The following PITPNC1 variants were observed in gnomAD, a reference collection of about 807,000 sequenced individuals.
PITPNC1 encodes phosphatidylinositol transfer protein cytoplasmic 1.
PITPNC1 carries 18 observed loss-of-function variants against 44.7 expected under a neutral mutation model. That is an observed-to-expected ratio of 0.40 (90% CI 0.28 to 0.60). PITPNC1 has a LOEUF of 0.60. PITPNC1 is among the 20% of genes least tolerant of loss of function. PITPNC1 has a pLI of 0.39. For missense variants in PITPNC1, 290 were observed against 418.4 expected (o/e 0.69, Z 2.68); for synonymous variants, 141 against 149.6 (o/e 0.94, Z 0.42).
chr17:67,537,815 C>T (rs2040550314), intron 2 of PITPNC1, among the ~76,000 whole-genome samples: 1 of 151,380 alleles, frequency 6.6e-6, no homozygotes, highest in South Asian at 2.1e-4. Flanking sequence ...ACTAAAAATA[C>T]AAAAAAATTA....
At chr17:67,666,510 A>G (rs2042424531) in intron 6 of PITPNC1, among the ~76,000 whole-genome samples, 1 of 152,186 alleles carries the variant, frequency 6.6e-6, no homozygotes, top group Non-Finnish European at 1.5e-5. Context: ...AAAATAAGTA[A>G]TAACATCAAA....
chr17:67,495,161 A>G (rs1277818660), intron 1 of PITPNC1, among the ~76,000 whole-genome samples: 1 of 142,178 alleles, frequency 7.0e-6, no homozygotes, highest in East Asian at 2.2e-4. Flanking sequence ...GGTTCACGCC[A>G]TTCTCCTGCC....
At position 67,443,866 on chromosome 17, in the gene PITPNC1, C is replaced by T. The variant is rs144587990; in HGVS notation, c.48+65664C>T. The stretch of plus-strand genomic sequence containing the variant: ...GCCAGGCTGGTCTCGAACTCCTGAC[C>T]TCAGGTGATCTGCCTGCCTCAGCCT... On this transcript the variant is annotated intron_variant, in intron 1 of 8. Coordinates refer to ENST00000581322, the MANE Select transcript of PITPNC1 (RefSeq NM_012417.4). Among the ~76,000 whole-genome samples the T allele has an allele frequency of 3.5e-3, 526 of 152,072 alleles. 1 individual carries two copies. Among genetic ancestry groups the T allele is most frequent in the African/African-American group, 0.012 (507 of 41,504 alleles).
At chr17:67,606,548 C>T (rs1286792402) in intron 5 of PITPNC1, among the ~76,000 whole-genome samples, 3 of 152,178 alleles carry the variant, frequency 2.0e-5, no homozygotes, top group Non-Finnish European at 4.4e-5. Context: ...ACTTGGATGA[C>T]GAGGCGTAAA....
intron 1 of PITPNC1, among the ~76,000 whole-genome samples, chr17:67,421,423 C>T (rs2038671704): frequency 6.6e-6 from 1 of 152,074 alleles, no homozygotes; most frequent in African/African-American, 2.4e-5. Context: ...GCTGGGATTA[C>T]AGGCACTCAT....
intron 1 of PITPNC1, among the ~76,000 whole-genome samples, chr17:67,416,203 C>CTTTTTTTTTTTTTTTTTTTTTT (rs71687631): frequency 8.9e-5 from 6 of 67,624 alleles, no homozygotes; most frequent in Non-Finnish European, 1.3e-4. Flanking sequence ...ACATGTATTG[C>CTTTTTTTTTTTTTTTTTTTTTT]TTTTTTTTTT....
intron 1 of PITPNC1, among the ~76,000 whole-genome samples, chr17:67,380,813 A>ATC (rs1018657351): frequency 5.3e-5 from 8 of 151,782 alleles, no homozygotes; most frequent in African/African-American, 1.9e-4. Flanking sequence ...TCGCTCTGTC[A>ATC]TCCAGGCTGG....
At chr17:67,653,004 G>A (rs377381958) in intron 6 of PITPNC1, among the ~76,000 whole-genome samples, 8 of 152,316 alleles carry the variant, frequency 5.3e-5, no homozygotes, top group African/African-American at 1.7e-4. Flanking sequence ...ATTTGGAGCT[G>A]AGTGCAGTGG....
At chr17:67,620,750 G>GAGTT (rs2041819451) in intron 5 of PITPNC1, among the ~76,000 whole-genome samples, 1 of 152,216 alleles carries the variant, frequency 6.6e-6, no homozygotes, top group Non-Finnish European at 1.5e-5. Context: ...CCTGATGGAT[G>GAGTT]AGTTTCCTTT....
intron 6 of PITPNC1, among the ~76,000 whole-genome samples, chr17:67,647,393 C>G (rs1344613812): frequency 6.6e-6 from 1 of 151,500 alleles, no homozygotes; most frequent in Non-Finnish European, 1.5e-5. Flanking sequence ...TGGGTTTAAG[C>G]CATTCTCCTG....
chr17:67,615,305 T>G (rs1398961536), intron 5 of PITPNC1, among the ~76,000 whole-genome samples: 3 of 152,266 alleles, frequency 2.0e-5, no homozygotes, highest in Non-Finnish European at 4.4e-5. Context: ...TAAGTGTTTT[T>G]GGGCTAGTGC....
intron 1 of PITPNC1, among the ~76,000 whole-genome samples, chr17:67,461,510 C>A (rs547496087): frequency 1.3e-5 from 2 of 152,320 alleles, no homozygotes; most frequent in East Asian, 3.9e-4. Context: ...TTCTCCAAAC[C>A]CATCCCGTTG....
At chr17:67,482,353 T>G (rs943699783) in intron 1 of PITPNC1, among the ~76,000 whole-genome samples, 2 of 151,874 alleles carry the variant, frequency 1.3e-5, no homozygotes, top group Non-Finnish European at 2.9e-5. Flanking sequence ...GCATAGAGAG[T>G]TTTTTTTCCT....
At chr17:67,465,209 C>G (rs2039407330) in intron 1 of PITPNC1, among the ~76,000 whole-genome samples, 1 of 152,152 alleles carries the variant, frequency 6.6e-6, no homozygotes, top group South Asian at 2.1e-4. Flanking sequence ...TGATCGGTCC[C>G]CAGAGGCCAC....
chr17:67,605,550 A>G (rs1358824814), intron 5 of PITPNC1, among the ~76,000 whole-genome samples: 2 of 152,204 alleles, frequency 1.3e-5, no homozygotes, highest in East Asian at 3.8e-4. Flanking sequence ...AGCTGGGGGA[A>G]ATTGCATTAG....
At chr17:67,393,171 C>T (rs2038164066) in intron 1 of PITPNC1, among the ~76,000 whole-genome samples, 1 of 151,578 alleles carries the variant, frequency 6.6e-6, no homozygotes, top group South Asian at 2.1e-4. Flanking sequence ...AAAATATACA[C>T]ATAACATTTG....
At chr17:67,480,111 C>T (rs145337775) in intron 1 of PITPNC1, among the ~76,000 whole-genome samples, 7 of 152,280 alleles carry the variant, frequency 4.6e-5, no homozygotes, top group Non-Finnish European at 8.8e-5. Context: ...ATGGCATTGT[C>T]TAGGAGCGGG....
chr17:67,615,434 G>A (rs1448855443), intron 5 of PITPNC1, among the ~76,000 whole-genome samples: 1 of 152,142 alleles, frequency 6.6e-6, no homozygotes, highest in Non-Finnish European at 1.5e-5. Context: ...AGAGAGCAGG[G>A]CTGCCGGCCT....
rs1415086536 is a variant in PITPNC1, at chr17:67,693,679, A to C, written c.*791A>C. Reference sequence around the variant, plus strand: ...TCTTTTTTCTCTACAGGTACCAACAAACCTTGACTTGTCAGCTTCCATCAT... The same window carrying C: ...TCTTTTTTCTCTACAGGTACCAACACACCTTGACTTGTCAGCTTCCATCAT... On this transcript the variant is annotated 3_prime_UTR_variant, in exon 9 of 9. Coordinates refer to ENST00000581322, the MANE Select transcript of PITPNC1 (RefSeq NM_012417.4). The C allele has an allele frequency of 6.6e-6, 1 of 152,322 alleles. No individual in the cohort carries two copies. The highest frequency in any genetic ancestry group is 1.9e-4 in the East Asian group (1 of 5,182). 9.4% of individuals were successfully genotyped at this position (152,322 alleles called of 1,614,324 possible).
Sources: gnomAD v4.1 joint callset for allele counts (sites outside exome capture counted in the v4.1 genomes callset) on GRCh38, gnomAD v4.1.1 for gene constraint, MANE v1.5 for transcripts, NCBI Gene and HGNC (gene_info 2026-07-23, HGNC 2026-07-21) for gene names.